CXCR2: variants seen among roughly 807,000 people sequenced by gnomAD.
CXCR2 encodes the protein C-X-C chemokine receptor type 2.
Under a neutral mutation model 3.7 loss-of-function variants are expected in CXCR2, and 2 were observed. The observed-to-expected ratio is 0.55, with a 90% CI of 0.22 to 1.72. The LOEUF (loss-of-function observed/expected upper bound fraction) is 1.72, where lower values mean the gene tolerates loss of function less well. CXCR2 is among the 40% of genes most tolerant of loss of function. CXCR2 has a pLI of 0.19. For missense variants in CXCR2, 351 were observed against 450.1 expected (o/e 0.78, Z 1.99); for synonymous variants, 203 against 193.3 (o/e 1.05, Z -0.41).
chr2:218,134,952 G>A lies in CXCR2; in HGVS notation c.151G>A (p.Val51Met). ...PESLEINKYF[V>M]VIIYALVFLL... ...ATCCCTGGAAATCAACAAGTATTTTGTGGTCATTATCTATGCCCTGGTATT... is the reference window on the plus strand; with the variant it reads ...ATCCCTGGAAATCAACAAGTATTTTATGGTCATTATCTATGCCCTGGTATT... Residue 51 changes from valine to methionine, a missense_variant, in exon 3 of 3, where the codon GTG (valine) becomes ATG (methionine). Physicochemically the swap from Val to Met is conservative, Grantham distance 21. Transcript: ENST00000318507. 6.2e-7 allele frequency: 1 copy of A among 1,614,150 alleles called. No individual in the cohort carries two copies. The highest frequency in any genetic ancestry group is 8.5e-7 in the Non-Finnish European group (1 of 1,180,038).
At chr2:218,133,875 T>C (rs1690712957) in intron 2 of CXCR2, among the ~76,000 whole-genome samples, 1 of 152,244 alleles carries the variant, frequency 6.6e-6, no homozygotes, top group African/African-American at 2.4e-5. Flanking sequence ...TTATCCCGCA[T>C]GGTGGCACAT....
At chr2:218,133,057 C>T (rs1043607431) in intron 2 of CXCR2, among the ~76,000 whole-genome samples, 7 of 152,140 alleles carry the variant, frequency 4.6e-5, no homozygotes, top group Non-Finnish European at 7.4e-5. Flanking sequence ...GCATCTTTTT[C>T]TGAGTGTGCC....
chr2:218,126,588 G>A (rs936429394), intron 1 of CXCR2, among the ~76,000 whole-genome samples: 5 of 152,146 alleles, frequency 3.3e-5, no homozygotes, highest in Admixed American at 2.0e-4. Flanking sequence ...ACGTGGCCAC[G>A]GAGCACTTGA....
chr2:218,135,667 G>T lies in CXCR2; in HGVS notation c.866G>T (p.Arg289Leu). Residue 289 changes from arginine to leucine, a missense_variant, in exon 3 of 3, where the codon CGC becomes CTC. Physicochemically the swap from Arg to Leu is moderately radical, Grantham distance 102. Coordinates refer to ENST00000318507, the MANE Select transcript of CXCR2 (RefSeq NM_001557.4). This position sits in a 1 kb window ranked among gnomAD's most constrained non-coding sequence, Gnocchi z 4.0. ...TQVIQETCERRNHIDRALDAT... is the reference protein window; with the variant it reads ...TQVIQETCERLNHIDRALDAT... ...GTGATCCAGGAGACCTGTGAGCGCCGCAATCACATCGACCGGGCTCTGGAT... is the reference window on the plus strand; with the variant it reads ...GTGATCCAGGAGACCTGTGAGCGCCTCAATCACATCGACCGGGCTCTGGAT... 6.2e-7 allele frequency: 1 copy of T among 1,614,020 alleles called. No individual in the cohort carries two copies. The highest frequency in any genetic ancestry group is 8.5e-7 in the Non-Finnish European group (1 of 1,179,990).
In CXCR2 at chr2:218,135,311, G is replaced by A. The variant is rs757385517; in HGVS notation, c.510G>A (p.Trp170Ter). ...TCAAATTCATATGTCTCAGCATCTG[G>A]GGTCTGTCCTTGCTCCTGGCCCTGC... ...YLVKFICLSIWGLSLLLALPV... is the reference protein window; with the variant it reads ...YLVKFICLSI Residue 170 changes from tryptophan to a stop codon, truncating the protein, a stop_gained, in exon 3 of 3, where the codon TGG becomes TGA. Coordinates refer to ENST00000318507, the MANE Select transcript of CXCR2 (RefSeq NM_001557.4). LOFTEE classifies it low-confidence loss of function (END_TRUNC). The surrounding 1 kb of genome is among the most constrained non-coding windows in gnomAD (Gnocchi z 4.0). The A allele has an allele frequency of 6.2e-7, 1 of 1,614,170 alleles. No homozygotes were observed. Among genetic ancestry groups the A allele is most frequent in the East Asian group, 2.2e-5 (1 of 44,880 alleles).
Position 218,134,861 on chromosome 2 carries a change from T to C in CXCR2, c.60T>C (p.Leu20=). The change falls in exon 3 of 3, where the codon CTT becomes CTC. Residue 20 remains leucine (L), a synonymous_variant. Coordinates refer to ENST00000318507, the MANE Select transcript of CXCR2 (RefSeq NM_001557.4). ...SFEDFWKGED[L]SNYSYSSTLP... Reference sequence around the variant, plus strand: ...AAGATTTCTGGAAAGGTGAAGATCTTAGTAATTACAGTTACAGCTCTACCC... The same window carrying C: ...AAGATTTCTGGAAAGGTGAAGATCTCAGTAATTACAGTTACAGCTCTACCC... The C allele has an allele frequency of 6.2e-7, 1 of 1,614,076 alleles. No individual in the cohort carries two copies. Among genetic ancestry groups the C allele is most frequent in the Non-Finnish European group, 8.5e-7 (1 of 1,179,996 alleles).
rs1690769837 is a variant in CXCR2 at position 218,135,510 on chromosome 2, A to G, written c.709A>G (p.Thr237Ala). The change falls in exon 3 of 3, where the codon ACG becomes GCG. Residue 237 changes from threonine to alanine, a missense_variant. Thr to Ala is a moderately conservative substitution (Grantham distance 58). Transcript: ENST00000318507. The surrounding 1 kb of genome is among the most constrained non-coding windows in gnomAD (Gnocchi z 4.0). Reference sequence around the variant, plus strand: ...GTTCTGCTACGGATTCACCCTGCGTACGCTGTTTAAGGCCCACATGGGGCA... The same window carrying G: ...GTTCTGCTACGGATTCACCCTGCGTGCGCTGTTTAAGGCCCACATGGGGCA... ...MLFCYGFTLR[T>A]LFKAHMGQKH... 4.3e-6 allele frequency: 7 copies of G among 1,614,108 alleles called. No individual in the cohort carries two copies. The highest frequency in any genetic ancestry group is 5.1e-6 in the Non-Finnish European group (6 of 1,180,010).
intron 2 of CXCR2, among the ~76,000 whole-genome samples, chr2:218,133,880 G>T (rs753888338): frequency 1.1e-4 from 16 of 152,212 alleles, no homozygotes; most frequent in Non-Finnish European, 1.6e-4. Flanking sequence ...CCGCATGGTG[G>T]CACATGGCTG....
chr2:218,131,887 CT>C lies in CXCR2; in HGVS notation c.-26+2524del, dbSNP rs17844693. ...TAACTCTTAAAAGAGAAACTAAAAA[CT>C]TGTCAGGAAGGTGATGGCTAAGAAT... On this transcript the variant is annotated intron_variant, in intron 2 of 2. Coordinates refer to ENST00000318507, the MANE Select transcript of CXCR2 (RefSeq NM_001557.4). 9.9e-3 allele frequency among the ~76,000 whole-genome samples: 1,509 copies of C among 152,012 alleles called. 43 individuals are homozygous for C. The highest frequency in any genetic ancestry group is 0.035 in the African/African-American group (1,430 of 41,436).
rs998417968 is a variant in CXCR2 at position 218,136,968 on chromosome 2, A to G, written c.*1084A>G. The G allele has an allele frequency of 7.2e-5, 12 of 167,230 alleles. No individual in the cohort carries two copies. Among genetic ancestry groups the G allele is most frequent in the African/African-American group, 2.7e-4 (11 of 41,458 alleles). 10.4% of individuals were successfully genotyped at this position (167,230 alleles called of 1,614,324 possible). ...CATGGGAAGTGACGGTTTAATGGGC[A>G]CAGGGTTTATGTTTAGGATGTTGAA... On this transcript the variant is annotated 3_prime_UTR_variant, in exon 3 of 3. Transcript: ENST00000318507.
chr2:218,129,601 GC>G (rs1690594084), intron 2 of CXCR2, among the ~76,000 whole-genome samples: 1 of 152,126 alleles, frequency 6.6e-6, no homozygotes, highest in South Asian at 2.1e-4. Flanking sequence ...TGCTGCCCAT[GC>G]TTTTCCCTTG....
intron 1 of CXCR2, among the ~76,000 whole-genome samples, chr2:218,129,034 A>G (rs899595699): frequency 6.6e-6 from 1 of 152,214 alleles, no homozygotes; most frequent in Admixed American, 6.5e-5. Flanking sequence ...CAAAGATGAA[A>G]GAAATCCATG....
In CXCR2 at chr2:218,135,039, C is replaced by A. The variant is rs138773569; in HGVS notation, c.238C>A (p.Arg80Ser). 10 of 1,614,182 alleles carry A rather than the reference C, an allele frequency of 6.2e-6. No homozygotes were observed. The highest frequency in any genetic ancestry group is 2.2e-5 in the South Asian group (2 of 91,082). The change falls in exon 3 of 3, where the codon CGC becomes AGC. Residue 80 changes from arginine (R) to serine (S), a missense_variant. Transcript: ENST00000318507. This position sits in a 1 kb window ranked among gnomAD's most constrained non-coding sequence, Gnocchi z 4.0. ...GGTCATCTTATACAGCAGGGTCGGC[C>A]GCTCCGTCACTGATGTCTACCTGCT... ...MLVILYSRVG[R>S]SVTDVYLLNL...
In CXCR2 at chr2:218,135,231, C is replaced by G; in HGVS notation, c.430C>G (p.Arg144Gly). The G allele has an allele frequency of 6.2e-7, 1 of 1,614,180 alleles. No individual in the cohort carries two copies. Among genetic ancestry groups the G allele is most frequent in the Non-Finnish European group, 8.5e-7 (1 of 1,180,032 alleles). Residue 144 changes from arginine to glycine, a missense_variant, in exon 3 of 3, where the codon CGT becomes GGT. Coordinates refer to ENST00000318507, the MANE Select transcript of CXCR2 (RefSeq NM_001557.4). The surrounding 1 kb of genome is among the most constrained non-coding windows in gnomAD (Gnocchi z 4.0). The part of the protein sequence containing the change: ...ILLLACISVD[R>G]YLAIVHATRT... ...GCTACTGGCCTGCATCAGTGTGGAC[C>G]GTTACCTGGCCATTGTCCATGCCAC... is the stretch of plus-strand genomic sequence containing the variant.
At chr2:218,129,952 T>C (rs962693331) in intron 2 of CXCR2, among the ~76,000 whole-genome samples, 2 of 152,292 alleles carry the variant, frequency 1.3e-5, no homozygotes, top group Middle Eastern at 3.4e-3. Flanking sequence ...CTTTTTATCC[T>C]GGAATATATG....
At position 218,135,941 on chromosome 2, in the gene CXCR2, T is replaced by C. The variant is rs1172945536; in HGVS notation, c.*57T>C. 1.2e-5 allele frequency: 18 copies of C among 1,539,898 alleles called. No individual in the cohort carries two copies. The highest frequency in any genetic ancestry group is 1.3e-5 in the Non-Finnish European group (15 of 1,144,006). ...TCCTCCCTTCTCTTCACAGTCACAT[T>C]CCAAGCCTCATGTCCACTGGTTCTT... On this transcript the variant is annotated 3_prime_UTR_variant, in exon 3 of 3. Transcript: ENST00000318507. The surrounding 1 kb of genome is among the most constrained non-coding windows in gnomAD (Gnocchi z 4.0).
In CXCR2 at chr2:218,137,095, A is replaced by G. The variant is rs1690828012; in HGVS notation, c.*1211A>G. ...GTTTAAATGGTCAATTTTGTTATGT[A>G]TATTTTATATCAATTTAAAAAAAAA... On this transcript the variant is annotated 3_prime_UTR_variant, in exon 3 of 3. Transcript: ENST00000318507. 1 of 167,118 alleles carries G rather than the reference A, an allele frequency of 6.0e-6. No homozygotes were observed. Among genetic ancestry groups the G allele is most frequent in the Non-Finnish European group, 1.5e-5 (1 of 68,110 alleles). The allele number at this position is 167,118 out of a possible 1,614,324, so 10.4% of individuals were successfully genotyped here.
At position 218,129,324 on chromosome 2, in the gene CXCR2, C is replaced by G. The variant is rs1690585165; in HGVS notation, c.-67C>G. 6.6e-6 allele frequency: 1 copy of G among 152,378 alleles called. No homozygotes were observed. Among genetic ancestry groups the G allele is most frequent in the Admixed American group, 6.5e-5 (1 of 15,280 alleles). The allele number at this position is 152,378 out of a possible 1,614,324, so 9.4% of individuals were successfully genotyped here. A position where few individuals can be genotyped will look rare whatever the true frequency, so the allele number is the denominator to read the frequency against. ...ACCTCCCTTTCATAGGTCACAGCTG[C>G]TCTTCTGGAGGTGTCCTACAGGTGA... On this transcript the variant is annotated 5_prime_UTR_variant, in exon 2 of 3. Coordinates refer to ENST00000318507, the MANE Select transcript of CXCR2 (RefSeq NM_001557.4).
chr2:218,132,543 C>G (rs547780350), intron 2 of CXCR2, among the ~76,000 whole-genome samples: 1 of 152,130 alleles, frequency 6.6e-6, no homozygotes, highest in African/African-American at 2.4e-5. Context: ...GTAGAGTATA[C>G]GATGCTATAG....
Sources: gnomAD v4.1 joint callset for allele counts (sites outside exome capture counted in the v4.1 genomes callset) on GRCh38, gnomAD v4.1.1 for gene constraint, Gnocchi (gnomAD v3.1) non-coding constraint, MANE v1.5 for transcripts, NCBI Gene and HGNC (gene_info 2026-07-23, HGNC 2026-07-21) for gene names.